Variants in ACO1 observed in about 807,000 individuals in gnomAD.
The protein encoded by ACO1 is aconitase 1, also known as cytoplasmic aconitate hydratase.
Under a neutral mutation model 105.1 loss-of-function variants are expected in ACO1, and 78 were observed. The ratio of observed to expected loss-of-function variants is 0.74; its 90% CI spans 0.62 to 0.90. ACO1 has a LOEUF of 0.90. ACO1 is among the 40% of genes least tolerant of loss of function. The probability of loss-of-function intolerance (pLI) is 0.00; values close to 1 mark genes in which losing one functional copy is unlikely to be tolerated. For missense variants in ACO1, 965 were observed against 1,111.1 expected (o/e 0.87, Z 1.87); for synonymous variants, 364 against 397.4 (o/e 0.92, Z 1.00).
chr9:32,392,515 T>C (rs564899445), intron 1 of ACO1, among the ~76,000 whole-genome samples: 23 of 152,338 alleles, frequency 1.5e-4, no homozygotes, highest in Admixed American at 1.4e-3. Flanking sequence ...GCTGCTGTTC[T>C]TCCCAGCTTC....
rs1165187876 is a variant in ACO1, at chr9:32,424,668, A to AG, written c.1188+7dup. 4 of 1,608,892 alleles carry AG rather than the reference A, an allele frequency of 2.5e-6. No homozygotes were observed. Among genetic ancestry groups the AG allele is most frequent in the Admixed American group, 1.7e-5 (1 of 59,794 alleles). ...TTGAGAGCTGCCTTGGAGCCAAGGT[A>AG]GGGGCCTGCGGGAAGAGGTTGAATC... On this transcript the variant is annotated splice_donor_region_variant and intron_variant, in intron 10 of 20. Coordinates refer to ENST00000309951, the MANE Select transcript of ACO1 (RefSeq NM_002197.3).
Position 32,439,561 on chromosome 9 carries a change from T to C in ACO1, c.2248-904T>C, listed in dbSNP as rs1393091210. Among the ~76,000 whole-genome samples the C allele has an allele frequency of 2.0e-5, 3 of 152,244 alleles. No homozygotes were observed. Among genetic ancestry groups the C allele is most frequent in the African/African-American group, 7.2e-5 (3 of 41,466 alleles). Reference sequence around the variant, plus strand: ...TGTAAAGTCTCAGTTCAGTGAGATATTCAGATTCCCTGTGAGAAACAAATC... The same window carrying C: ...TGTAAAGTCTCAGTTCAGTGAGATACTCAGATTCCCTGTGAGAAACAAATC... On this transcript the variant is annotated intron_variant, in intron 18 of 20. Transcript: ENST00000309951. The surrounding 1 kb of genome is among the most constrained non-coding windows in gnomAD (Gnocchi z 4.0).
chr9:32,422,099 C>A (rs1821988145), intron 8 of ACO1, among the ~76,000 whole-genome samples: 1 of 151,966 alleles, frequency 6.6e-6, no homozygotes, highest in Non-Finnish European at 1.5e-5. Flanking sequence ...AGGGAATCAA[C>A]CTAAAGAAAG....
intron 16 of ACO1, among the ~76,000 whole-genome samples, chr9:32,434,289 G>C (rs1822305199): frequency 6.6e-6 from 1 of 152,226 alleles, no homozygotes; most frequent in Non-Finnish European, 1.5e-5. Context: ...TGTGAAGAGA[G>C]AGAATGTCAT....
chr9:32,442,236 A>G (rs111729190), intron 19 of ACO1, among the ~76,000 whole-genome samples: 90 of 152,188 alleles, frequency 5.9e-4, no homozygotes, highest in Middle Eastern at 3.4e-3. Context: ...CCATTGCGCT[A>G]TAGTTCACGG....
intron 19 of ACO1, among the ~76,000 whole-genome samples, chr9:32,443,736 A>T (rs1822532810): frequency 6.6e-6 from 1 of 152,206 alleles, no homozygotes; most frequent in Admixed American, 6.5e-5. Flanking sequence ...CTCTGACATT[A>T]ACTAAAAACA....
At chr9:32,433,155 G>T (rs1042703497) in intron 15 of ACO1, among the ~76,000 whole-genome samples, 1 of 152,110 alleles carries the variant, frequency 6.6e-6, no homozygotes, top group Non-Finnish European at 1.5e-5. Context: ...AACAGGAGGG[G>T]GTCAACTAAG....
chr9:32,405,528 C>G lies in ACO1; in HGVS notation c.22C>G (p.Leu8Val). The change falls in exon 2 of 21, where the codon CTT becomes GTT. Residue 8 changes from leucine to valine, a missense_variant. Leu to Val is a conservative substitution (Grantham distance 32). Transcript: ENST00000309951. MSNPFAH[L>V]AEPLDPVQPG... ...AATCATGAGCAACCCATTCGCACAC[C>G]TTGCTGAGCCATTGGATCCTGTACA... 6.2e-7 allele frequency: 1 copy of G among 1,613,828 alleles called. No individual in the cohort carries two copies. The highest frequency in any genetic ancestry group is 8.5e-7 in the Non-Finnish European group (1 of 1,179,850).
intron 1 of ACO1, among the ~76,000 whole-genome samples, chr9:32,400,429 T>C (rs374373822): frequency 3.9e-4 from 60 of 152,212 alleles, no homozygotes; most frequent in African/African-American, 1.3e-3. Flanking sequence ...TTGAATGAGG[T>C]GTGGCACTGT....
intron 1 of ACO1, among the ~76,000 whole-genome samples, chr9:32,393,990 T>C (rs1196792067): frequency 6.6e-6 from 1 of 152,184 alleles, no homozygotes; most frequent in African/African-American, 2.4e-5. Context: ...CAGCTCAGAA[T>C]CCTTTAATGG....
At position 32,433,833 on chromosome 9, in the gene ACO1, G is replaced by A; in HGVS notation, c.1956+1G>A. ...ATCACCACCATTCTTTGAAAACCTG[G>A]TATGGCTTTTTATTTTTTAACAAAA... On this transcript the variant is annotated splice_donor_variant, in intron 16 of 20. Coordinates refer to ENST00000309951, the MANE Select transcript of ACO1 (RefSeq NM_002197.3). LOFTEE classifies it high-confidence loss of function. The A allele has an allele frequency of 6.3e-7, 1 of 1,583,504 alleles. No individual in the cohort carries two copies. Among genetic ancestry groups the A allele is most frequent in the Non-Finnish European group, 8.6e-7 (1 of 1,166,672 alleles).
intron 9 of ACO1, among the ~76,000 whole-genome samples, chr9:32,423,909 T>C (rs1280177516): frequency 1.3e-5 from 2 of 152,134 alleles, no homozygotes; most frequent in African/African-American, 2.4e-5. Context: ...TATTGAAATA[T>C]AAAGAAAAAT....
At chr9:32,442,635 T>C (rs572251461) in intron 19 of ACO1, among the ~76,000 whole-genome samples, 5 of 152,356 alleles carry the variant, frequency 3.3e-5, no homozygotes, top group African/African-American at 1.2e-4. Context: ...ATTTACTTTA[T>C]CTGTGGTATG....
intron 18 of ACO1, among the ~76,000 whole-genome samples, chr9:32,438,884 T>C (rs1048710386): frequency 3.3e-5 from 5 of 152,172 alleles, no homozygotes; most frequent in Non-Finnish European, 7.4e-5. Flanking sequence ...AAGTAGAATA[T>C]TGACAGATAA....
Position 32,449,931 on chromosome 9 carries a change from G to A in ACO1, c.2557-67G>A, listed in dbSNP as rs543060674. The stretch of plus-strand genomic sequence containing the variant: ...CCACACCTGAGGGGCAGGCTGGGCA[G>A]AATTTCCTCCGAGCAGAGCTGTCTC... On this transcript the variant is annotated intron_variant, in intron 20 of 20. Transcript: ENST00000309951. The A allele has an allele frequency of 1.3e-4, 167 of 1,327,212 alleles. No homozygotes were observed. In the Admixed American group the frequency reaches 2.8e-3, roughly 22 times the overall value. 82.2% of individuals were successfully genotyped at this position (1,327,212 alleles called of 1,614,324 possible).
rs1443816653 is a variant in ACO1, at chr9:32,450,300, T to TAATC, written c.*191_*194dup. On this transcript the variant is annotated 3_prime_UTR_variant, in exon 21 of 21. Coordinates refer to ENST00000309951, the MANE Select transcript of ACO1 (RefSeq NM_002197.3). Reference sequence around the variant, plus strand: ...AAGTTTCTACATTCTCTATTTTTGTTAATCATCTTCTCTTTTTCCAGAATT... The same window carrying TAATC: ...AAGTTTCTACATTCTCTATTTTTGTTAATCAATCATCTTCTCTTTTTCCAGAATT... The TAATC allele has an allele frequency of 2.9e-6, 2 of 686,738 alleles. No homozygotes were observed. Among genetic ancestry groups the TAATC allele is most frequent in the Non-Finnish European group, 5.4e-6 (2 of 370,450 alleles). The allele number at this position is 686,738 out of a possible 1,614,324, so 42.5% of individuals were successfully genotyped here.
At chr9:32,436,419 C>T in intron 18 of ACO1, 22 bp downstream of exon 18, 1 of 1,610,420 alleles carries the variant, frequency 6.2e-7, no homozygotes, top group Non-Finnish European at 8.5e-7. Flanking sequence ...CTTCTGCTTC[C>T]TGCAGACACT....
chr9:32,408,713 T>C lies in ACO1; in HGVS notation c.404+62T>C, dbSNP rs1196233733. ...TGTGCAAAATCTTTGAACACGAATC[T>C]TTTTAAAATGTGTATATGTAGTTAA... On this transcript the variant is annotated intron_variant, in intron 4 of 20. Coordinates refer to ENST00000309951, the MANE Select transcript of ACO1 (RefSeq NM_002197.3). 93 of 1,570,708 alleles carry C rather than the reference T, an allele frequency of 5.9e-5. 1 individual carries two copies. The highest frequency in any genetic ancestry group is 4.2e-5 in the Non-Finnish European group (48 of 1,154,712).
intron 4 of ACO1, among the ~76,000 whole-genome samples, chr9:32,416,097 CTT>C (rs11421318): frequency 1.7e-4 from 23 of 137,830 alleles, no homozygotes; most frequent in Non-Finnish European, 1.9e-4. Flanking sequence ...AATATGTTTT[CTT>C]TTTTTTTTTT....
Sources: allele counts gnomAD v4.1 joint callset (sites outside exome capture counted in the v4.1 genomes callset), GRCh38; gene constraint gnomAD v4.1.1; non-coding constraint Gnocchi (gnomAD v3.1); transcripts MANE v1.5; gene names NCBI Gene and HGNC (gene_info 2026-07-23, HGNC 2026-07-21).